Variants in BASP1 observed in about 807,000 individuals in gnomAD.
The protein encoded by BASP1 is brain acid soluble protein 1.
BASP1 carries 1 observed loss-of-function variant against 2.2 expected under a neutral mutation model. The ratio of observed to expected loss-of-function variants is 0.46; its 90% CI spans 0.16 to 2.17. The LOEUF is 2.17. Among genes scored for constraint, BASP1 ranks in the 30% most tolerant of loss-of-function variants. BASP1 has a pLI of 0.27. For missense variants in BASP1, 352 were observed against 327.2 expected, an observed-to-expected ratio of 1.08 and a Z score of -0.58; for synonymous variants, 187 against 154.2, an observed-to-expected ratio of 1.21 and a Z score of -1.58.
At chr5:17,239,933 A>AG (rs1739826560) in intron 1 of BASP1, among the ~76,000 whole-genome samples, 1 of 151,984 alleles carries the variant, frequency 6.6e-6, no homozygotes, top group East Asian at 1.9e-4. Flanking sequence ...GTTTATAGAG[A>AG]TGTAATTTTA....
At chr5:17,268,474 G>T (rs926019196) in intron 1 of BASP1, among the ~76,000 whole-genome samples, 2 of 152,168 alleles carry the variant, frequency 1.3e-5, no homozygotes, top group African/African-American at 2.4e-5. Context: ...GTTGTTTAGT[G>T]AAATTATTTG....
intron 1 of BASP1, among the ~76,000 whole-genome samples, chr5:17,242,820 G>A (rs1376540825): frequency 6.7e-6 from 1 of 149,146 alleles, no homozygotes; most frequent in Non-Finnish European, 1.5e-5. Flanking sequence ...GTCGAAGTAA[G>A]TCTAGGAAAA....
At chr5:17,258,573 C>T (rs1239793059) in intron 1 of BASP1, among the ~76,000 whole-genome samples, 1 of 152,160 alleles carries the variant, frequency 6.6e-6, no homozygotes, top group Non-Finnish European at 1.5e-5. Context: ...CAATATTAGA[C>T]ACGTTATACA....
At chr5:17,253,963 T>C (rs931339237) in intron 1 of BASP1, among the ~76,000 whole-genome samples, 1 of 152,114 alleles carries the variant, frequency 6.6e-6, no homozygotes, top group Non-Finnish European at 1.5e-5. Context: ...TGTACGTAGC[T>C]ATTTTGGAAA....
chr5:17,225,225 C>T (rs1428103937), intron 1 of BASP1, among the ~76,000 whole-genome samples: 2 of 151,818 alleles, frequency 1.3e-5, no homozygotes, highest in East Asian at 1.9e-4. Context: ...CTGTCTGCAA[C>T]GTAAAACTTT....
At chr5:17,234,476 T>C (rs1028360867) in intron 1 of BASP1, among the ~76,000 whole-genome samples, 2 of 152,248 alleles carry the variant, frequency 1.3e-5, no homozygotes, top group Non-Finnish European at 2.9e-5. Flanking sequence ...GTTCATGTAG[T>C]TCTCAGATAA....
chr5:17,245,509 C>A (rs1368477769), intron 1 of BASP1, among the ~76,000 whole-genome samples: 1 of 152,012 alleles, frequency 6.6e-6, no homozygotes, highest in Admixed American at 6.6e-5. Context: ...ATTCAGGAGA[C>A]CAAATCTATC....
At chr5:17,226,252 CTGTGGT>C (rs769591517) in intron 1 of BASP1, among the ~76,000 whole-genome samples, 5 of 152,170 alleles carry the variant, frequency 3.3e-5, no homozygotes, top group Non-Finnish European at 7.4e-5. Flanking sequence ...TAAAGAAAAG[CTGTGGT>C]TCTATTAGAG....
intron 1 of BASP1, among the ~76,000 whole-genome samples, chr5:17,258,844 A>C (rs1378516754): frequency 6.6e-6 from 1 of 152,212 alleles, no homozygotes; most frequent in African/African-American, 2.4e-5. Context: ...AATTTGAAGA[A>C]GGCAAAAGTG....
In BASP1 at chr5:17,275,949, C is replaced by G. The variant is rs747017408; in HGVS notation, c.*49C>G. 8.3e-6 allele frequency: 9 copies of G among 1,079,328 alleles called. No individual in the cohort carries two copies. The highest frequency in any genetic ancestry group is 1.8e-5 in the South Asian group (1 of 54,548). 66.9% of individuals were successfully genotyped at this position (1,079,328 alleles called of 1,614,324 possible). On this transcript the variant is annotated 3_prime_UTR_variant, in exon 2 of 2. Transcript: ENST00000322611. This position sits in a 1 kb window ranked among gnomAD's most constrained non-coding sequence, Gnocchi z 5.3. ...AATACCACTTAAAACAATCTCCTCT[C>G]TCTCTCTCTCTCTCTCTCTCTATCT...
At chr5:17,245,163 G>A (rs1180011637) in intron 1 of BASP1, among the ~76,000 whole-genome samples, 1 of 151,532 alleles carries the variant, frequency 6.6e-6, no homozygotes, top group Non-Finnish European at 1.5e-5. Flanking sequence ...TTAGCTGGGT[G>A]TGGTGGTGTG....
chr5:17,236,040 C>A lies in BASP1; in HGVS notation c.-10+18230C>A, dbSNP rs74832716. ...CTTAAAACATGAGACTTTTTTTTTT[C>A]TTTTTTAGCTCATTAGCTATTGTTA... On this transcript the variant is annotated intron_variant, in intron 1 of 1. Transcript: ENST00000322611. The surrounding 1 kb of genome is among the most constrained non-coding windows in gnomAD (Gnocchi z 4.0). 0.013 allele frequency among the ~76,000 whole-genome samples: 2,024 copies of A among 150,666 alleles called. 42 individuals are homozygous for A. The highest frequency in any genetic ancestry group is 0.061 in the Middle Eastern group (18 of 294).
At chr5:17,244,426 G>T (rs1739935908) in intron 1 of BASP1, among the ~76,000 whole-genome samples, 1 of 152,162 alleles carries the variant, frequency 6.6e-6, no homozygotes, top group Non-Finnish European at 1.5e-5. Context: ...GTGTCTAGGG[G>T]CCTAGGTTCT....
chr5:17,245,919 G>T (rs1193744529), intron 1 of BASP1, among the ~76,000 whole-genome samples: 1 of 151,882 alleles, frequency 6.6e-6, no homozygotes, highest in Non-Finnish European at 1.5e-5. Context: ...GTAAAACTAG[G>T]GGACAGTAGG....
chr5:17,251,500 T>C lies in BASP1; in HGVS notation c.-9-23708T>C, dbSNP rs1740101568. Among the ~76,000 whole-genome samples the C allele has an allele frequency of 6.6e-6, 1 of 152,214 alleles. No homozygotes were observed. The highest frequency in any genetic ancestry group is 6.5e-5 in the Admixed American group (1 of 15,288). On this transcript the variant is annotated intron_variant, in intron 1 of 1. Transcript: ENST00000322611. The surrounding 1 kb of genome is among the most constrained non-coding windows in gnomAD (Gnocchi z 4.0). ...CAGCTCTTCCTTCCACAGTGTTGGT[T>C]TCTGTGGAAGGGTCCAAACAGCGGC...
intron 1 of BASP1, among the ~76,000 whole-genome samples, chr5:17,243,540 G>A (rs534000062): frequency 3.1e-4 from 47 of 152,290 alleles, no homozygotes; most frequent in African/African-American, 1.1e-3. Context: ...AAAAGGTGAG[G>A]ATTGGCCAGG....
chr5:17,217,553 G>A (rs1356924661), upstream of BASP1: 3 of 146,294 alleles, frequency 2.1e-5, no homozygotes, highest in Admixed American at 6.8e-5. Context: ...GCGGACGCGC[G>A]GGGGGAGGGC....
At chr5:17,241,323 C>G (rs1037098565) in intron 1 of BASP1, among the ~76,000 whole-genome samples, 1 of 152,156 alleles carries the variant, frequency 6.6e-6, no homozygotes, top group African/African-American at 2.4e-5. Context: ...TGGTCTTGAA[C>G]TCCAGGCCTC....
chr5:17,227,650 C>A (rs538943157), intron 1 of BASP1, among the ~76,000 whole-genome samples: 1 of 151,622 alleles, frequency 6.6e-6, no homozygotes, highest in East Asian at 2.0e-4. Context: ...GTGATCTGCT[C>A]TCCTTGGCCT....
Sources: allele counts gnomAD v4.1 joint callset (sites outside exome capture counted in the v4.1 genomes callset), GRCh38; gene constraint gnomAD v4.1.1; non-coding constraint Gnocchi (gnomAD v3.1); transcripts MANE v1.5; gene names NCBI Gene and HGNC (gene_info 2026-07-23, HGNC 2026-07-21).